PIAS4: variants seen among roughly 807,000 people sequenced by gnomAD.
PIAS4 encodes the protein protein inhibitor of activated STAT 4.
Under a neutral mutation model 58.0 loss-of-function variants are expected in PIAS4, and 7 were observed. The ratio of observed to expected loss-of-function variants is 0.12; its 90% CI spans 0.07 to 0.23. PIAS4 has a LOEUF of 0.23. Among genes scored for constraint, PIAS4 ranks in the 10% least tolerant of loss-of-function variants. The pLI, the probability that PIAS4 is intolerant of heterozygous loss-of-function variation, is 1.00. For synonymous variants in PIAS4, 364 were observed against 312.4 expected, an observed-to-expected ratio of 1.17 and a Z score of -1.74; for missense variants, 550 against 709.5, an observed-to-expected ratio of 0.78 and a Z score of 2.55.
intron 2 of PIAS4, among the ~76,000 whole-genome samples, chr19:4,016,101 C>G (rs1278112717): frequency 6.6e-6 from 1 of 152,252 alleles, no homozygotes; most frequent in Non-Finnish European, 1.5e-5. Context: ...GCCTGGACCT[C>G]TGCAGGCTGG....
At chr19:4,028,091 C>A in intron 3 of PIAS4, 55 bp from the exon 4 acceptor site, 6 of 1,565,426 alleles carry the variant, frequency 3.8e-6, no homozygotes, top group Non-Finnish European at 5.3e-6. Flanking sequence ...GCTGGGGTCA[C>A]GCCCTCCTCA....
chr19:4,019,931 T>C (rs1361418199), intron 2 of PIAS4, among the ~76,000 whole-genome samples: 1 of 151,474 alleles, frequency 6.6e-6, no homozygotes, highest in East Asian at 1.9e-4. Flanking sequence ...TCTTTTTTTT[T>C]TTTTTGAAAT....
rs1270473268 is a variant in PIAS4, at chr19:4,038,706, G to C, written c.*831G>C. The C allele has an allele frequency of 1.3e-5, 2 of 154,142 alleles. No homozygotes were observed. Among genetic ancestry groups the C allele is most frequent in the African/African-American group, 4.8e-5 (2 of 41,374 alleles). 9.5% of individuals were successfully genotyped at this position (154,142 alleles called of 1,614,324 possible). A position where few individuals can be genotyped will look rare whatever the true frequency, so the allele number is the denominator to read the frequency against. ...CTACGGAACAGCACAGATGTCCACA[G>C]ATGTCCACAGCTGCCGCCGCCGCCG... On this transcript the variant is annotated 3_prime_UTR_variant, in exon 11 of 11. Coordinates refer to ENST00000262971, the MANE Select transcript of PIAS4 (RefSeq NM_015897.4). The surrounding 1 kb of genome is among the most constrained non-coding windows in gnomAD (Gnocchi z 4.1).
At chr19:4,020,997 C>A (rs927869669) in intron 2 of PIAS4, among the ~76,000 whole-genome samples, 2 of 152,142 alleles carry the variant, frequency 1.3e-5, no homozygotes, top group African/African-American at 4.8e-5. Context: ...CTGTGCTTAC[C>A]TTTATAAGGG....
At chr19:4,024,947 T>C (rs777685476) in intron 3 of PIAS4, among the ~76,000 whole-genome samples, 23 of 152,098 alleles carry the variant, frequency 1.5e-4, no homozygotes, top group Admixed American at 2.6e-4. Context: ...GTATTTTTAG[T>C]AGAGATAGGG....
At chr19:4,032,698 A>T (rs138458685) in intron 7 of PIAS4, among the ~76,000 whole-genome samples, 1 of 152,312 alleles carries the variant, frequency 6.6e-6, no homozygotes, top group Non-Finnish European at 1.5e-5. Context: ...TCCGTCTCCC[A>T]AAGAGTCCCT....
chr19:4,027,565 T>G (rs930675604), intron 3 of PIAS4, among the ~76,000 whole-genome samples: 1 of 149,544 alleles, frequency 6.7e-6, no homozygotes, highest in Non-Finnish European at 1.5e-5. Context: ...GTTACTGGTT[T>G]TTGTTTTTTT....
rs759088793 is a variant in PIAS4, at chr19:4,028,743, C to G, written c.696C>G (p.Pro232=). The G allele has an allele frequency of 1.2e-6, 2 of 1,612,528 alleles. No individual in the cohort carries two copies. Among genetic ancestry groups the G allele is most frequent in the Non-Finnish European group, 1.7e-6 (2 of 1,179,484 alleles). ...AGGGCTACTACCCCTCCAATAAGCCCGGGGTGGAGCCCAAGAGGCCGTGCC... is the reference window on the plus strand; with the variant it reads ...AGGGCTACTACCCCTCCAATAAGCCGGGGGTGGAGCCCAAGAGGCCGTGCC... ...SVPGYYPSNK[P]GVEPKRPCRP... is the part of the protein sequence containing the mutation. The change falls in exon 6 of 11, where the codon CCC becomes CCG. Residue 232 remains proline (P), a synonymous_variant. Transcript: ENST00000262971.
Position 4,013,196 on chromosome 19 carries a change from C to T in PIAS4, c.301C>T (p.Leu101=). Residue 101 remains leucine, a synonymous_variant, in exon 2 of 11, where the codon CTG becomes TTG. Coordinates refer to ENST00000262971, the MANE Select transcript of PIAS4 (RefSeq NM_015897.4). This position sits in a 1 kb window ranked among gnomAD's most constrained non-coding sequence, Gnocchi z 5.1. ...GGCCGGCGCTGTGCCCAGGACTCCG[C>T]TGGCAGGCCCCAATATTGACTACCC... The part of the protein sequence containing the change: ...DRAGAVPRTP[L]AGPNIDYPVL... 1 of 1,613,566 alleles carries T rather than the reference C, an allele frequency of 6.2e-7. No individual in the cohort carries two copies. The highest frequency in any genetic ancestry group is 8.5e-7 in the Non-Finnish European group (1 of 1,180,032).
In PIAS4 at chr19:4,028,936, C is replaced by T. The variant is rs779685969; in HGVS notation, c.807C>T (p.Tyr269=). Residue 269 remains tyrosine, a synonymous_variant, in exon 7 of 11, where the codon TAC becomes TAT. Coordinates refer to ENST00000262971, the MANE Select transcript of PIAS4 (RefSeq NM_015897.4). ...CCCCTTCCTTCTGTCCCCAGAGCTA[C>T]TCGGTGGCCCTGTACCTGGTGCGGC... is the stretch of plus-strand genomic sequence containing the variant. The part of the protein sequence containing the change: ...TVTWGNYGKS[Y]SVALYLVRQL... The T allele has an allele frequency of 6.2e-7, 1 of 1,610,348 alleles. No individual in the cohort carries two copies. The highest frequency in any genetic ancestry group is 8.5e-7 in the Non-Finnish European group (1 of 1,178,646).
intron 7 of PIAS4, among the ~76,000 whole-genome samples, chr19:4,030,967 C>T (rs1032106327): frequency 6.6e-6 from 1 of 152,150 alleles, no homozygotes; most frequent in African/African-American, 2.4e-5. Flanking sequence ...GACGAGAGGG[C>T]GGTTCTGGGC....
At chr19:4,009,810 G>A (rs951627081) in intron 1 of PIAS4, among the ~76,000 whole-genome samples, 1 of 152,210 alleles carries the variant, frequency 6.6e-6, no homozygotes, top group Admixed American at 6.5e-5. Context: ...AGGGGCGAAT[G>A]TTGGGGGTTT....
At chr19:4,015,502 G>A (rs2040043760) in intron 2 of PIAS4, among the ~76,000 whole-genome samples, 1 of 152,170 alleles carries the variant, frequency 6.6e-6, no homozygotes, top group Non-Finnish European at 1.5e-5. Flanking sequence ...CTCCATCTCA[G>A]GCCGCCAGGT....
rs2040018785 is a variant in PIAS4, at chr19:4,013,387, T to G, written c.454+38T>G. The G allele has an allele frequency of 1.3e-6, 2 of 1,564,138 alleles. No individual in the cohort carries two copies. Among genetic ancestry groups the G allele is most frequent in the Admixed American group, 1.7e-5 (1 of 58,866 alleles). On this transcript the variant is annotated intron_variant, in intron 2 of 10. Coordinates refer to ENST00000262971, the MANE Select transcript of PIAS4 (RefSeq NM_015897.4). This position sits in a 1 kb window ranked among gnomAD's most constrained non-coding sequence, Gnocchi z 5.1. ...CCTGGGGAGGCTGCGACTGGAGGCT[T>G]CACCTAGGCCCCGTCGCCCAGCCCA... is the stretch of plus-strand genomic sequence containing the variant.
intron 2 of PIAS4, among the ~76,000 whole-genome samples, chr19:4,019,845 A>G (rs905538071): frequency 3.9e-5 from 6 of 151,916 alleles, no homozygotes; most frequent in African/African-American, 1.5e-4. Context: ...ACAGGTCAAC[A>G]TGGGCGGGAC....
chr19:4,030,178 G>GCTAATATGGTGAAACCCCA (rs1470580475), intron 7 of PIAS4, among the ~76,000 whole-genome samples: 14 of 149,518 alleles, frequency 9.4e-5, no homozygotes, highest in South Asian at 2.1e-4. Context: ...GCCCAGGCTG[G>GCTAATATGGTGAAACCCCA]TCGTAAACTC....
chr19:4,032,986 T>A lies in PIAS4; in HGVS notation c.908-114T>A, dbSNP rs1386304963. The A allele has an allele frequency of 3.6e-6, 3 of 823,618 alleles. No homozygotes were observed. The Admixed American group carries it at 6.0e-5, about 16-fold the overall frequency. 51.0% of individuals were successfully genotyped at this position (823,618 alleles called of 1,614,324 possible). A position where few individuals can be genotyped will look rare whatever the true frequency, so the allele number is the denominator to read the frequency against. On this transcript the variant is annotated intron_variant, in intron 7 of 10. Coordinates refer to ENST00000262971, the MANE Select transcript of PIAS4 (RefSeq NM_015897.4). ...GCCACACAGCGAAGCTTGGGACTCATCGTCAGGGGCCTGTTCTGGGAGGTG... is the reference window on the plus strand; with the variant it reads ...GCCACACAGCGAAGCTTGGGACTCAACGTCAGGGGCCTGTTCTGGGAGGTG...
chr19:4,014,038 A>T (rs2040027221), intron 2 of PIAS4, among the ~76,000 whole-genome samples: 2 of 151,938 alleles, frequency 1.3e-5, no homozygotes, highest in Admixed American at 1.3e-4. Context: ...CCCCTTGGAA[A>T]GGGGGCTGGC....
In PIAS4 at chr19:4,022,322, AGTTTT is replaced by A. The variant is rs568423926; in HGVS notation, c.455-1708_455-1704del. On this transcript the variant is annotated intron_variant, in intron 2 of 10. Transcript: ENST00000262971. ...CACTGTCTTTTTGTTGTTCAGCTAG[AGTTTT>A]GTTTTTTTTGTTGTTGTTGTTGTTT... 2.4e-3 allele frequency among the ~76,000 whole-genome samples: 364 copies of A among 151,596 alleles called. 3 individuals carry two copies. Among genetic ancestry groups the A allele is most frequent in the Non-Finnish European group, 1.5e-3 (104 of 67,874 alleles).
Sources: allele counts gnomAD v4.1 joint callset (sites outside exome capture counted in the v4.1 genomes callset), GRCh38; gene constraint gnomAD v4.1.1; non-coding constraint Gnocchi (gnomAD v3.1); transcripts MANE v1.5; gene names NCBI Gene and HGNC (gene_info 2026-07-23, HGNC 2026-07-21).